Variants in FAM228B observed in about 807,000 individuals in gnomAD.
FAM228B encodes family with sequence similarity 228 member B.
FAM228B carries 38 observed loss-of-function variants against 42.6 expected under a neutral mutation model. That is an observed-to-expected ratio of 0.89 (90% CI 0.69 to 1.17). The LOEUF (loss-of-function observed/expected upper bound fraction) is 1.17, where lower values mean the gene tolerates loss of function less well. FAM228B is among the 50% of genes most tolerant of loss of function. FAM228B has a pLI of 0.00. For missense variants in FAM228B, 344 were observed against 367.3 expected, an observed-to-expected ratio of 0.94 and a Z score of 0.52; for synonymous variants, 109 against 122.3, an observed-to-expected ratio of 0.89 and a Z score of 0.72.
intron 7 of FAM228B, among the ~76,000 whole-genome samples, chr2:24,158,965 T>G (rs1667225711): frequency 6.6e-6 from 1 of 152,224 alleles, no homozygotes; most frequent in Admixed American, 6.5e-5. Flanking sequence ...TCCTTGTCTC[T>G]TTCCTAGCTA....
intron 7 of FAM228B, among the ~76,000 whole-genome samples, chr2:24,150,693 C>T (rs1367002315): frequency 6.6e-6 from 1 of 152,138 alleles, no homozygotes; most frequent in African/African-American, 2.4e-5. Context: ...CCAAAATCCT[C>T]GGATTACAGG....
At position 24,084,522 on chromosome 2, in the gene FAM228B, G is replaced by A. The variant is rs1304954423; in HGVS notation, c.-210+3567G>A. ...CTGGTCTGCCGCGGACCCGGCCTCC[G>A]CCCCGAGCTCCTGCCTGGGAAGTCC... is the stretch of plus-strand genomic sequence containing the variant. On this transcript the variant is annotated intron_variant, in intron 2 of 10. Transcript: ENST00000613899. This position sits in a 1 kb window ranked among gnomAD's most constrained non-coding sequence, Gnocchi z 8.4. 3 of 701,732 alleles carry A rather than the reference G, an allele frequency of 4.3e-6. No homozygotes were observed. In the African/African-American group the frequency reaches 5.7e-5, roughly 13 times the overall value. 43.5% of individuals were successfully genotyped at this position (701,732 alleles called of 1,614,324 possible).
At chr2:24,168,289 G>A (rs951721211) in intron 10 of FAM228B, among the ~76,000 whole-genome samples, 5 of 152,204 alleles carry the variant, frequency 3.3e-5, no homozygotes, top group Non-Finnish European at 5.9e-5. Flanking sequence ...TTAGTCCTGC[G>A]GAACGCCAAG....
chr2:24,098,334 G>A (rs1665543052), intron 3 of FAM228B, among the ~76,000 whole-genome samples: 1 of 152,042 alleles, frequency 6.6e-6, no homozygotes. Context: ...AAAAAATCAA[G>A]GAGTCCAGGA....
At chr2:24,122,753 C>G, upstream of FAM228B, 1 of 441,956 alleles carries the variant, frequency 2.3e-6, no homozygotes, top group East Asian at 3.6e-5. Context: ...ACAGCTCACA[C>G]AGAATAGGTT....
chr2:24,138,858 A>G (rs1666669885), intron 4 of FAM228B, among the ~76,000 whole-genome samples: 2 of 151,412 alleles, frequency 1.3e-5, no homozygotes, highest in South Asian at 2.1e-4. Context: ...AGGCAGGAGA[A>G]TCACTTGAAC....
chr2:24,168,626 T>C (rs1163381229), intron 10 of FAM228B, among the ~76,000 whole-genome samples: 1 of 152,152 alleles, frequency 6.6e-6, no homozygotes, highest in Non-Finnish European at 1.5e-5. Context: ...GGGGTTTTGC[T>C]ATAAAGTGGC....
chr2:24,114,116 C>T (rs896415525), intron 3 of FAM228B, among the ~76,000 whole-genome samples: 3 of 152,050 alleles, frequency 2.0e-5, no homozygotes, highest in African/African-American at 7.2e-5. Context: ...GACATCCTGC[C>T]CTAGATGGCA....
chr2:24,154,231 T>G (rs553284532), intron 7 of FAM228B, among the ~76,000 whole-genome samples: 6 of 152,246 alleles, frequency 3.9e-5, no homozygotes, highest in South Asian at 4.1e-4. Flanking sequence ...GATGTTCAAA[T>G]TTGTTGTTCC....
Position 24,146,844 on chromosome 2 carries a change from T to G in FAM228B, c.529+9T>G. On this transcript the variant is annotated intron_variant, in intron 6 of 10. Coordinates refer to ENST00000615575, the MANE Select transcript of FAM228B (RefSeq NM_001145710.2). The stretch of plus-strand genomic sequence containing the variant: ...TCTTCAGTGTGAGACTGGTACTTAG[T>G]TCCTAATTGTTATGTGATTTCATAG... The G allele has an allele frequency of 6.5e-7, 1 of 1,540,882 alleles. No individual in the cohort carries two copies. Among genetic ancestry groups the G allele is most frequent in the South Asian group, 1.2e-5 (1 of 83,710 alleles).
At chr2:24,161,764 G>T (rs1049015189) in intron 8 of FAM228B, among the ~76,000 whole-genome samples, 151 bp downstream of exon 8, 2 of 152,202 alleles carry the variant, frequency 1.3e-5, no homozygotes, top group African/African-American at 4.8e-5. Context: ...CTACCACTGT[G>T]TCTGGTGAGG....
At chr2:24,138,871 G>C (rs1666670234) in intron 4 of FAM228B, among the ~76,000 whole-genome samples, 1 of 150,260 alleles carries the variant, frequency 6.7e-6, no homozygotes, top group South Asian at 2.1e-4. Flanking sequence ...ACTTGAACCT[G>C]TGAGGTGCAG....
chr2:24,117,014 A>ATTTT (rs58867611), intron 3 of FAM228B, among the ~76,000 whole-genome samples: 3 of 131,926 alleles, frequency 2.3e-5, no homozygotes, highest in African/African-American at 8.4e-5. Flanking sequence ...ACAATCCTGC[A>ATTTT]TTTTTTTTTT....
chr2:24,136,053 CTTTTTTTT>C (rs5829917), intron 3 of FAM228B, among the ~76,000 whole-genome samples: 1 of 35,794 alleles, frequency 2.8e-5, no homozygotes, highest in South Asian at 1.9e-3. Context: ...GATAACCCTT[CTTTTTTTT>C]TTTTTTTTTT....
intron 4 of FAM228B, 45 bp from the exon 5 acceptor site, chr2:24,139,325 T>C (rs1175525254): frequency 8.5e-7 from 1 of 1,170,262 alleles, no homozygotes; most frequent in East Asian, 2.6e-5. Flanking sequence ...CAAAATTAAC[T>C]GTGCACCTCT....
chr2:24,168,214 T>C (rs1667475033), intron 10 of FAM228B, among the ~76,000 whole-genome samples: 1 of 152,194 alleles, frequency 6.6e-6, no homozygotes, highest in South Asian at 2.1e-4. Flanking sequence ...GTCATCCTCA[T>C]ATAGATGCTA....
Position 24,124,341 on chromosome 2 carries a change from G to T in FAM228B, c.-21G>T. 3 of 1,465,174 alleles carry T rather than the reference G, an allele frequency of 2.0e-6. No individual in the cohort carries two copies. Among genetic ancestry groups the T allele is most frequent in the Non-Finnish European group, 2.8e-6 (3 of 1,079,916 alleles). The allele number at this position is 1,465,174 out of a possible 1,614,324, so 90.8% of individuals were successfully genotyped here. A position where few individuals can be genotyped will look rare whatever the true frequency, so the allele number is the denominator to read the frequency against. ...AAGATGATTTTTAGTTTTTCCAGGG[G>T]CATTGTTATTTGTGACCACAATGAA... On this transcript the variant is annotated 5_prime_UTR_variant, in exon 2 of 11. Coordinates refer to ENST00000615575, the MANE Select transcript of FAM228B (RefSeq NM_001145710.2).
intron 2 of FAM228B, among the ~76,000 whole-genome samples, chr2:24,091,363 G>A (rs1390793675): frequency 1.3e-5 from 2 of 152,024 alleles, no homozygotes; most frequent in Non-Finnish European, 2.9e-5. Flanking sequence ...AACCCGGGAG[G>A]CGGAGCTTGC....
At chr2:24,152,465 G>A (rs1258251907) in intron 7 of FAM228B, among the ~76,000 whole-genome samples, 1 of 152,218 alleles carries the variant, frequency 6.6e-6, no homozygotes, top group African/African-American at 2.4e-5. Flanking sequence ...TTCTTGGGAA[G>A]GCTTTCCAGG....
Sources: gnomAD v4.1 joint callset for allele counts (sites outside exome capture counted in the v4.1 genomes callset) on GRCh38, gnomAD v4.1.1 for gene constraint, Gnocchi (gnomAD v3.1) non-coding constraint, MANE v1.5 for transcripts, NCBI Gene and HGNC (gene_info 2026-07-23, HGNC 2026-07-21) for gene names.